VIRMA: variants seen among roughly 807,000 people sequenced by gnomAD.
VIRMA encodes the protein protein virilizer homolog.
A neutral mutation model predicts 182.4 loss-of-function variants in VIRMA; 65 were observed. The ratio of observed to expected loss-of-function variants is 0.36; its 90% CI spans 0.29 to 0.44. The LOEUF is 0.44. Ranked by LOEUF, VIRMA falls within the 20% of genes least tolerant of loss-of-function variation. The pLI is 1.00. For missense variants in VIRMA, 1,752 were observed against 2,158.1 expected (o/e 0.81, Z 3.73); for synonymous variants, 709 against 743.1 (o/e 0.95, Z 0.75).
chr8:94,495,066 TCA>T, intron 19 of VIRMA, 110 bp from the exon 20 acceptor site: 1 of 748,352 alleles, frequency 1.3e-6, no homozygotes, highest in Non-Finnish European at 2.4e-6. Context: ...AGTGGCACGA[TCA>T]CAGTTCACTG....
chr8:94,514,791 C>A (rs774316175), intron 11 of VIRMA, 78 bp downstream of exon 11: 1 of 734,702 alleles, frequency 1.4e-6, no homozygotes, highest in Non-Finnish European at 2.4e-6. Flanking sequence ...ATTATCTACA[C>A]AAGTGATTCA....
intron 16 of VIRMA, among the ~76,000 whole-genome samples, chr8:94,499,821 G>A (rs1813905118): frequency 6.6e-6 from 1 of 151,800 alleles, no homozygotes. Context: ...GAAGGTGGTG[G>A]ATCACTTGAG....
Position 94,529,165 on chromosome 8 carries a change from T to C in VIRMA, c.785A>G (p.Asp262Gly), listed in dbSNP as rs369847047. The change falls in exon 7 of 24, where the codon GAT (aspartate) becomes GGT (glycine). Residue 262 changes from aspartate (D) to glycine (G), a missense_variant. Asp to Gly is a moderately conservative substitution (Grantham distance 94). This residue lies in a region of VIRMA where 114 missense variants were observed against 106.9 expected (regional missense o/e 1.07). Coordinates refer to ENST00000297591, the MANE Select transcript of VIRMA (RefSeq NM_015496.5). ...TGTTCGTCGATCATCCTCATCCTCA[T>C]CCTCTTCTTCCTCTACATCCACATC... The part of the protein sequence containing the change: ...EDDVDVEEEE[D>G]EDEDDRRTVD... 7 of 1,398,592 alleles carry C rather than the reference T, an allele frequency of 5.0e-6. No individual in the cohort carries two copies. The highest frequency in any genetic ancestry group is 7.1e-6 in the Non-Finnish European group (7 of 984,378). 86.6% of individuals were successfully genotyped at this position (1,398,592 alleles called of 1,614,324 possible).
At chr8:94,544,054 T>C (rs1044623982) in intron 1 of VIRMA, 112 bp from the exon 2 acceptor site, 7 of 590,492 alleles carry the variant, frequency 1.2e-5, no homozygotes, top group Non-Finnish European at 2.1e-5. Flanking sequence ...ACATTCCATA[T>C]CATTAAATAT....
At chr8:94,548,332 G>A (rs1815849750) in intron 1 of VIRMA, among the ~76,000 whole-genome samples, 1 of 151,134 alleles carries the variant, frequency 6.6e-6, no homozygotes, top group African/African-American at 2.5e-5. Flanking sequence ...CCACAAAACA[G>A]TATTACAGTA....
rs901982636 is a variant in VIRMA at position 94,495,638 on chromosome 8, C to T, written c.4544+93G>A. 9.9e-6 allele frequency: 9 copies of T among 907,522 alleles called. No individual in the cohort carries two copies. In the African/African-American group the frequency reaches 1.4e-4, roughly 14 times the overall value. 56.2% of individuals were successfully genotyped at this position (907,522 alleles called of 1,614,324 possible). On this transcript the variant is annotated intron_variant, in intron 19 of 23. Transcript: ENST00000297591. ...AAAGCCTAGAATTCTTACTATCTGG[C>T]CCTTTATAGAAAAAAACGTTTGCTG...
chr8:94,533,168 TAAA>T (rs545782345), intron 5 of VIRMA, among the ~76,000 whole-genome samples: 2 of 133,800 alleles, frequency 1.5e-5, no homozygotes, highest in African/African-American at 2.8e-5. Context: ...ACGGTTTGGT[TAAA>T]AAAAAAAAAG....
intron 4 of VIRMA, among the ~76,000 whole-genome samples, chr8:94,536,866 C>G (rs1815363537): frequency 6.6e-6 from 1 of 152,136 alleles, no homozygotes; most frequent in South Asian, 2.1e-4. Context: ...CTAGTCCCAG[C>G]TACTCGGGAG....
At chr8:94,525,150 C>T (rs1214383626) in intron 8 of VIRMA, among the ~76,000 whole-genome samples, 1 of 152,202 alleles carries the variant, frequency 6.6e-6, no homozygotes, top group Non-Finnish European at 1.5e-5. Flanking sequence ...GGACCACAAG[C>T]AGGAACAGCT....
intron 9 of VIRMA, 136 bp downstream of exon 9, chr8:94,518,849 T>C (rs1465630198): frequency 1.2e-6 from 1 of 809,852 alleles, no homozygotes; most frequent in Non-Finnish European, 2.0e-6. Flanking sequence ...CTCTAACCTT[T>C]AATTAACAAG....
chr8:94,552,993 A>T (rs1816057855), intron 1 of VIRMA, among the ~76,000 whole-genome samples: 1 of 152,190 alleles, frequency 6.6e-6, no homozygotes, highest in Non-Finnish European at 1.5e-5. Context: ...TTCGGAAACC[A>T]CGAAGCCAAC....
intron 3 of VIRMA, 127 bp downstream of exon 3, chr8:94,538,133 C>T (rs1486106269): frequency 4.4e-6 from 3 of 679,370 alleles, no homozygotes. Context: ...ACCACCATGA[C>T]ACAATTAAAC....
Position 94,506,617 on chromosome 8 carries a change from C to T in VIRMA, c.3980G>A (p.Cys1327Tyr). Residue 1327 changes from cysteine (C) to tyrosine (Y), a missense_variant, in exon 16 of 24, where the codon TGT becomes TAT. Physicochemically the swap from Cys to Tyr is radical, Grantham distance 194 (BLOSUM62 -2). Transcript: ENST00000297591. ...AGCTAGCGTAGCCAACAGACAGTCACAGATTGAGGTCATCAATTCTTTATT... is the reference window on the plus strand; with the variant it reads ...AGCTAGCGTAGCCAACAGACAGTCATAGATTGAGGTCATCAATTCTTTATT... The part of the protein sequence containing the change: ...LPNKELMTSI[C>Y]DCLLATLANS... The T allele has an allele frequency of 6.2e-7, 1 of 1,613,674 alleles. No individual in the cohort carries two copies. Among genetic ancestry groups the T allele is most frequent in the Non-Finnish European group, 8.5e-7 (1 of 1,179,690 alleles).
At chr8:94,530,751 A>G (rs1001985910) in intron 6 of VIRMA, among the ~76,000 whole-genome samples, 1 of 152,130 alleles carries the variant, frequency 6.6e-6, no homozygotes, top group African/African-American at 2.4e-5. Context: ...ATCTCTACAG[A>G]TATTTTAAAA....
At chr8:94,528,925 G>C in intron 7 of VIRMA, 145 bp downstream of exon 7, 1 of 962,506 alleles carries the variant, frequency 1.0e-6, no homozygotes, top group Non-Finnish European at 1.6e-6. Context: ...CTCATTTCTA[G>C]TCATGCCTTG....
chr8:94,510,887 G>A (rs1814345914), intron 13 of VIRMA: 2 of 1,020,550 alleles, frequency 2.0e-6, no homozygotes, highest in Non-Finnish European at 2.7e-6. Flanking sequence ...TCTAGTTATT[G>A]GCAAATTCTA....
intron 1 of VIRMA, among the ~76,000 whole-genome samples, chr8:94,550,502 CA>C (rs897362623): frequency 1.3e-5 from 2 of 152,064 alleles, no homozygotes; most frequent in African/African-American, 4.8e-5. Flanking sequence ...CCATGTTAGC[CA>C]GGATGGTCTC....
At chr8:94,495,480 T>C (rs1813738425) in intron 19 of VIRMA, among the ~76,000 whole-genome samples, 1 of 150,616 alleles carries the variant, frequency 6.6e-6, no homozygotes, top group South Asian at 2.1e-4. Context: ...GACCTTTCAG[T>C]AAAATAAAAC....
intron 18 of VIRMA, 60 bp from the exon 19 acceptor site, chr8:94,495,951 C>T: frequency 6.9e-7 from 1 of 1,454,176 alleles, no homozygotes. Context: ...TGTAAACCTA[C>T]TGACTCTTTC....
Sources: gnomAD v4.1 joint callset for allele counts (sites outside exome capture counted in the v4.1 genomes callset) on GRCh38, gnomAD v4.1.1 for gene constraint, gnomAD v4.1.1 regional missense constraint, MANE v1.5 for transcripts, NCBI Gene and HGNC (gene_info 2026-07-23, HGNC 2026-07-21) for gene names.